Variants in ATP2C2 observed in about 807,000 individuals in gnomAD.
ATP2C2 encodes calcium-transporting ATPase type 2C member 2.
A neutral mutation model predicts 110.8 loss-of-function variants in ATP2C2; 171 were observed. The observed-to-expected ratio is 1.54, with a 90% confidence interval of 1.36 to 1.75. The LOEUF is 1.75. Ranked by LOEUF, ATP2C2 falls within the 40% of genes most tolerant of loss-of-function variation. The pLI, the probability that ATP2C2 is intolerant of heterozygous loss-of-function variation, is 0.00. For synonymous variants in ATP2C2, 804 were observed against 508.4 expected, an observed-to-expected ratio of 1.58 and a Z score of -7.82; for missense variants, 1,963 against 1,235.0, an observed-to-expected ratio of 1.59 and a Z score of -8.84.
chr16:84,458,577 G>A (rs530724262), intron 21 of ATP2C2, among the ~76,000 whole-genome samples: 25 of 152,146 alleles, frequency 1.6e-4, no homozygotes, highest in African/African-American at 4.3e-4. Flanking sequence ...AAAATCTGGC[G>A]GTGGGGGCAC....
intron 4 of ATP2C2, among the ~76,000 whole-genome samples, chr16:84,409,419 T>C (rs573150581): frequency 3.5e-4 from 53 of 152,270 alleles, no homozygotes; most frequent in Non-Finnish European, 7.2e-4. Context: ...CTGCACGTTG[T>C]GCACATGTAC....
chr16:84,390,047 C>A (rs1052178026), intron 1 of ATP2C2, among the ~76,000 whole-genome samples: 1 of 152,148 alleles, frequency 6.6e-6, no homozygotes, highest in Non-Finnish European at 1.5e-5. Flanking sequence ...CCCACGGCAG[C>A]CCTGTGGACC....
intron 1 of ATP2C2, among the ~76,000 whole-genome samples, chr16:84,371,401 A>C (rs1909945786): frequency 6.6e-6 from 1 of 152,162 alleles, no homozygotes; most frequent in African/African-American, 2.4e-5. Context: ...GCTACTCACC[A>C]AGCTGAAGCA....
chr16:84,410,339 C>T (rs1906162846), intron 4 of ATP2C2, among the ~76,000 whole-genome samples: 1 of 151,926 alleles, frequency 6.6e-6, no homozygotes, highest in Non-Finnish European at 1.5e-5. Flanking sequence ...TGTGTCTACG[C>T]AGAAAAATCT....
At chr16:84,408,590 T>C (rs1252913354) in intron 4 of ATP2C2, 96 bp downstream of exon 4, 1 of 964,422 alleles carries the variant, frequency 1.0e-6, no homozygotes, top group Non-Finnish European at 1.6e-6. Flanking sequence ...AAGAGTTTGC[T>C]GTAGGGGGGA....
chr16:84,407,663 G>A (rs1303608076), intron 3 of ATP2C2, among the ~76,000 whole-genome samples: 1 of 152,024 alleles, frequency 6.6e-6, no homozygotes, highest in Admixed American at 6.6e-5. Flanking sequence ...GTAAAGATGG[G>A]ATTTTGCTGT....
chr16:84,455,048 G>C (rs1445847092), intron 21 of ATP2C2, 64 bp downstream of exon 21: 2 of 1,369,776 alleles, frequency 1.5e-6, no homozygotes, highest in Non-Finnish European at 2.0e-6. Flanking sequence ...CTTCTCCCTG[G>C]AACCTGCTAC....
intron 1 of ATP2C2, among the ~76,000 whole-genome samples, chr16:84,371,382 G>A (rs563271565): frequency 7.6e-4 from 115 of 152,268 alleles, no homozygotes; most frequent in African/African-American, 2.7e-3. Context: ...GTGTGCACCT[G>A]TGGTCCTAGC....
intron 4 of ATP2C2, among the ~76,000 whole-genome samples, chr16:84,410,009 C>A (rs138173818): frequency 1.3e-5 from 2 of 152,040 alleles, no homozygotes; most frequent in African/African-American, 2.4e-5. Flanking sequence ...GAGATCGAGA[C>A]CATCCTGGCC....
At chr16:84,455,491 C>G (rs1910711046) in intron 21 of ATP2C2, among the ~76,000 whole-genome samples, 1 of 152,190 alleles carries the variant, frequency 6.6e-6, no homozygotes, top group Non-Finnish European at 1.5e-5. Flanking sequence ...GAGGTGCTCT[C>G]TAGGTTCTGG....
chr16:84,402,321 T>C (rs1453953613), intron 2 of ATP2C2, among the ~76,000 whole-genome samples: 2 of 152,220 alleles, frequency 1.3e-5, no homozygotes, highest in Non-Finnish European at 2.9e-5. Flanking sequence ...TTTTTTACTC[T>C]TGTCTGATTG....
intron 16 of ATP2C2, among the ~76,000 whole-genome samples, chr16:84,447,705 ATATATAT>A (rs1441456825): frequency 7.1e-6 from 1 of 141,576 alleles, no homozygotes; most frequent in Non-Finnish European, 1.6e-5. Flanking sequence ...ATATTATGTA[ATATATAT>A]TATAATTGTA....
intron 2 of ATP2C2, among the ~76,000 whole-genome samples, chr16:84,402,866 C>G (rs1306337390): frequency 6.6e-6 from 1 of 152,144 alleles, no homozygotes; most frequent in Non-Finnish European, 1.5e-5. Flanking sequence ...ATTGGTATCG[C>G]TTCTTCGAGT....
chr16:84,409,694 G>A (rs1429441049), intron 4 of ATP2C2, among the ~76,000 whole-genome samples: 1 of 151,996 alleles, frequency 6.6e-6, no homozygotes. Flanking sequence ...GTAGAGATGA[G>A]GTTTCCCTGT....
chr16:84,404,685 C>T (rs932737818), intron 2 of ATP2C2: 2 of 337,134 alleles, frequency 5.9e-6, no homozygotes, highest in Non-Finnish European at 1.2e-5. Context: ...TGGAGCCCCA[C>T]TAGCAGTTCC....
chr16:84,425,411 TG>T (rs1210363620), intron 10 of ATP2C2, among the ~76,000 whole-genome samples: 1 of 152,092 alleles, frequency 6.6e-6, no homozygotes, highest in South Asian at 2.1e-4. Context: ...AAACACCACA[TG>T]GGGGGATGTT....
chr16:84,448,222 G>A (rs1320597014), intron 16 of ATP2C2, among the ~76,000 whole-genome samples: 1 of 152,154 alleles, frequency 6.6e-6, no homozygotes, highest in African/African-American at 2.4e-5. Context: ...TCCCAGCTGG[G>A]ATGATACCTC....
chr16:84,384,591 G>A (rs1057461687), intron 1 of ATP2C2, among the ~76,000 whole-genome samples: 8 of 152,106 alleles, frequency 5.3e-5, no homozygotes, highest in African/African-American at 1.7e-4. Context: ...GTATTTTACC[G>A]AGAGACATGT....
At chr16:84,378,778 G>A (rs1453602275) in intron 1 of ATP2C2, among the ~76,000 whole-genome samples, 1 of 152,188 alleles carries the variant, frequency 6.6e-6, no homozygotes, top group African/African-American at 2.4e-5. Flanking sequence ...ATCTCAAGAA[G>A]GCGGCAGCAG....
Sources: gnomAD v4.1 joint callset for allele counts (sites outside exome capture counted in the v4.1 genomes callset) on GRCh38, gnomAD v4.1.1 for gene constraint, MANE v1.5 for transcripts, NCBI Gene and HGNC (gene_info 2026-07-23, HGNC 2026-07-21) for gene names.